EXT1: variants seen among roughly 807,000 people sequenced by gnomAD.
The protein encoded by EXT1 is exostosin glycosyltransferase 1.
EXT1 carries 20 observed loss-of-function variants against 82.5 expected under a neutral mutation model. The observed-to-expected ratio is 0.24, with a 90% CI of 0.17 to 0.35. EXT1 has a LOEUF of 0.35. EXT1 is among the 10% of genes least tolerant of loss of function. EXT1 has a pLI of 1.00. For synonymous variants in EXT1, 348 were observed against 350.8 expected (o/e 0.99, Z 0.09); for missense variants, 757 against 936.5 (o/e 0.81, Z 2.50).
chr8:117,936,757 C>T (rs939090504), intron 1 of EXT1, among the ~76,000 whole-genome samples: 5 of 152,162 alleles, frequency 3.3e-5, no homozygotes, highest in African/African-American at 1.2e-4. Flanking sequence ...CACCTGTAAT[C>T]CCAGCTACTT....
chr8:118,019,680 GT>G (rs1816066313), intron 1 of EXT1, among the ~76,000 whole-genome samples: 1 of 152,168 alleles, frequency 6.6e-6, no homozygotes, highest in Non-Finnish European at 1.5e-5. Flanking sequence ...ACAGAATGAA[GT>G]TTTCTGTGTG....
At chr8:117,800,120 T>C (rs1461717795) in intron 10 of EXT1, among the ~76,000 whole-genome samples, 1 of 152,162 alleles carries the variant, frequency 6.6e-6, no homozygotes, top group Non-Finnish European at 1.5e-5. Context: ...AAAACAAAGA[T>C]TCATGTTGAC....
chr8:117,903,744 C>G (rs1586275451), intron 1 of EXT1, among the ~76,000 whole-genome samples: 1 of 152,110 alleles, frequency 6.6e-6, no homozygotes. Context: ...AATGGCGCCT[C>G]TAATCAGGAA....
intron 1 of EXT1, among the ~76,000 whole-genome samples, chr8:117,858,283 C>T (rs1486595786): frequency 6.6e-6 from 1 of 152,208 alleles, no homozygotes; most frequent in Non-Finnish European, 1.5e-5. Context: ...ACAGCATTCT[C>T]TATGGAGAAA....
At chr8:117,925,366 A>C (rs914146026) in intron 1 of EXT1, among the ~76,000 whole-genome samples, 4 of 151,960 alleles carry the variant, frequency 2.6e-5, no homozygotes, top group African/African-American at 9.7e-5. Context: ...CCTCAAAAAA[A>C]AAAAACAAAC....
intron 1 of EXT1, among the ~76,000 whole-genome samples, chr8:118,072,971 G>C (rs1016595395): frequency 6.6e-6 from 1 of 152,180 alleles, no homozygotes; most frequent in Non-Finnish European, 1.5e-5. Flanking sequence ...CGAGGAGCAC[G>C]ATTACCAAAT....
chr8:118,060,049 A>G (rs1816858674), intron 1 of EXT1, among the ~76,000 whole-genome samples: 1 of 152,192 alleles, frequency 6.6e-6, no homozygotes, highest in African/African-American at 2.4e-5. Flanking sequence ...AAATACTACC[A>G]TCATCACAAA....
At chr8:117,828,594 T>C (rs111697977) in intron 4 of EXT1, among the ~76,000 whole-genome samples, 33 of 152,150 alleles carry the variant, frequency 2.2e-4, no homozygotes, top group South Asian at 2.1e-3. Flanking sequence ...GGAAGGATCT[T>C]AGATGGAGGA....
rs145759010 is a variant in EXT1, at chr8:117,926,356, G to A, written c.963-89155C>T. ...CCTATAATCCTAGGGATTAAAACTCGAGTGAGTTCCTTTTAAGACAGACCA... is the reference window on the plus strand; with the variant it reads ...CCTATAATCCTAGGGATTAAAACTCAAGTGAGTTCCTTTTAAGACAGACCA... On this transcript the variant is annotated intron_variant, in intron 1 of 10. Transcript: ENST00000378204. 1.1e-3 allele frequency among the ~76,000 whole-genome samples: 167 copies of A among 152,242 alleles called. 1 individual carries two copies. The highest frequency in any genetic ancestry group is 1.5e-3 in the Non-Finnish European group (102 of 68,024).
intron 1 of EXT1, among the ~76,000 whole-genome samples, chr8:117,885,732 T>C (rs1813136958): frequency 6.6e-6 from 1 of 152,232 alleles, no homozygotes; most frequent in Non-Finnish European, 1.5e-5. Flanking sequence ...CATTCACATA[T>C]TCTGAGGAAA....
At chr8:117,951,517 G>A (rs1478624243) in intron 1 of EXT1, among the ~76,000 whole-genome samples, 2 of 152,228 alleles carry the variant, frequency 1.3e-5, no homozygotes, top group African/African-American at 4.8e-5. Context: ...CACAAGGGAA[G>A]AATGAGTCAT....
chr8:117,845,534 A>G (rs1812340397), intron 1 of EXT1, among the ~76,000 whole-genome samples: 1 of 141,196 alleles, frequency 7.1e-6, no homozygotes, highest in Admixed American at 7.6e-5. Flanking sequence ...TAACAGCTCA[A>G]TGGCTAATAT....
intron 8 of EXT1, among the ~76,000 whole-genome samples, chr8:117,809,013 C>T (rs1416984072): frequency 6.6e-6 from 1 of 151,678 alleles, no homozygotes; most frequent in East Asian, 1.9e-4. Flanking sequence ...TCATTGGCTC[C>T]CTGGTTCTCA....
intron 10 of EXT1, among the ~76,000 whole-genome samples, chr8:117,800,184 A>G (rs945219001): frequency 6.6e-6 from 1 of 152,236 alleles, no homozygotes; most frequent in Non-Finnish European, 1.5e-5. Flanking sequence ...CGACTTAGCA[A>G]CTGAAACTCG....
chr8:117,858,071 G>A (rs1812596556), intron 1 of EXT1, among the ~76,000 whole-genome samples: 2 of 152,224 alleles, frequency 1.3e-5, no homozygotes, highest in Non-Finnish European at 2.9e-5. Context: ...TTGAATGGAT[G>A]AGGAATTGCT....
intron 1 of EXT1, among the ~76,000 whole-genome samples, chr8:117,980,527 T>C (rs1225599235): frequency 6.6e-6 from 1 of 152,136 alleles, no homozygotes; most frequent in African/African-American, 2.4e-5. Context: ...TTCAGTTAGT[T>C]TCCTGTTTTT....
intron 4 of EXT1, among the ~76,000 whole-genome samples, chr8:117,829,516 T>A (rs4876761): frequency 0.23 from 34,269 of 151,054 alleles, 4,567 homozygotes; most frequent in Middle Eastern, 0.37. Context: ...AAACTACTCA[T>A]ATTTTTGGAA....
intron 4 of EXT1, among the ~76,000 whole-genome samples, chr8:117,827,784 CAAAAAAAAAA>C (rs768731740): frequency 1.7e-3 from 91 of 54,134 alleles, no homozygotes; most frequent in Non-Finnish European, 2.4e-3. Flanking sequence ...GACTCTGTCT[CAAAAAAAAAA>C]AAAAAAAAAA....
At chr8:117,901,750 G>A (rs1023394857) in intron 1 of EXT1, among the ~76,000 whole-genome samples, 6 of 152,026 alleles carry the variant, frequency 3.9e-5, no homozygotes, top group African/African-American at 1.5e-4. Context: ...AGGCTGGAGT[G>A]CAGTAGCACA....
Sources: gnomAD v4.1 joint callset for allele counts (sites outside exome capture counted in the v4.1 genomes callset) on GRCh38, gnomAD v4.1.1 for gene constraint, MANE v1.5 for transcripts, NCBI Gene and HGNC (gene_info 2026-07-23, HGNC 2026-07-21) for gene names.